AKR1C3: variants seen among roughly 807,000 people sequenced by gnomAD.
AKR1C3 encodes the protein aldo-keto reductase family 1 member C3, also known as 3-alpha hydroxysteroid dehydrogenase, type II.
In AKR1C3, 48 loss-of-function variants were observed where a neutral mutation model predicts 43.6. The ratio of observed to expected loss-of-function variants is 1.10; its 90% CI spans 0.87 to 1.40. AKR1C3 has a LOEUF of 1.40. Among genes scored for constraint, AKR1C3 ranks in the 40% most tolerant of loss-of-function variants. AKR1C3 has a pLI of 0.00. For synonymous variants in AKR1C3, 162 were observed against 139.6 expected (o/e 1.16, Z -1.13); for missense variants, 482 against 391.2 (o/e 1.23, Z -1.96).
Position 5,098,873 on chromosome 10 carries a change from C to G in AKR1C3, c.441C>G (p.Thr147=), listed in dbSNP as rs1354355749. The change falls in exon 4 of 9, where the codon ACC becomes ACG. Residue 147 remains threonine (T), a synonymous_variant. Transcript: ENST00000380554. ...VIFDIVDLCT[T]WEAMEKCKDA... is the part of the protein sequence containing the mutation. ...TTGACATAGTGGATCTCTGTACCACCTGGGAGGTGAGTGCTTGGCGGAGAG... is the reference window on the plus strand; with the variant it reads ...TTGACATAGTGGATCTCTGTACCACGTGGGAGGTGAGTGCTTGGCGGAGAG... 6.2e-7 allele frequency: 1 copy of G among 1,611,880 alleles called. No individual in the cohort carries two copies. Among genetic ancestry groups the G allele is most frequent in the Non-Finnish European group, 8.5e-7 (1 of 1,179,024 alleles).
At chr10:5,095,914 T>C (rs1554785039) in intron 1 of AKR1C3, among the ~76,000 whole-genome samples, 3 of 152,090 alleles carry the variant, frequency 2.0e-5, no homozygotes. Context: ...GTTGGGTCGA[T>C]GTAACTAGCA....
At chr10:5,060,784 GT>G (rs1332540400) in intron 1 of AKR1C3, among the ~76,000 whole-genome samples, 27 of 137,468 alleles carry the variant, frequency 2.0e-4, no homozygotes, top group African/African-American at 6.1e-4. Context: ...GCCCACAGAG[GT>G]GGGGAGGCTC....
chr10:5,064,037 C>G (rs1355199996), intron 1 of AKR1C3, among the ~76,000 whole-genome samples: 7 of 152,154 alleles, frequency 4.6e-5, no homozygotes, highest in Admixed American at 3.3e-4. Context: ...TTTCACCAAA[C>G]CAGTTTCTTT....
chr10:5,096,334 TA>T, intron 1 of AKR1C3, 75 bp from the exon 2 acceptor site: 2 of 1,524,080 alleles, frequency 1.3e-6, no homozygotes, highest in Non-Finnish European at 1.8e-6. Context: ...GATTCTTGTA[TA>T]AAAGTCAATG....
intron 1 of AKR1C3, among the ~76,000 whole-genome samples, chr10:5,078,557 A>G (rs1215278765): frequency 6.6e-6 from 1 of 152,230 alleles, no homozygotes; most frequent in Admixed American, 6.5e-5. Flanking sequence ...GTCAAATGAA[A>G]AAAGGGTTAA....
chr10:5,094,598 G>T (rs915000091), intron 1 of AKR1C3, 70 bp downstream of exon 1: 27 of 1,545,314 alleles, frequency 1.7e-5, no homozygotes, highest in Non-Finnish European at 2.4e-5. Flanking sequence ...CCCGTATTGG[G>T]TTGTAAGGTT....
intron 1 of AKR1C3, among the ~76,000 whole-genome samples, chr10:5,068,286 C>T (rs1472874497): frequency 3.3e-5 from 5 of 152,042 alleles, no homozygotes; most frequent in Admixed American, 6.6e-5. Flanking sequence ...GAAGATTGAA[C>T]ATCATTTTGG....
intron 1 of AKR1C3, among the ~76,000 whole-genome samples, chr10:5,069,143 T>C (rs1472804912): frequency 1.3e-5 from 2 of 152,200 alleles, no homozygotes; most frequent in Non-Finnish European, 1.5e-5. Flanking sequence ...AAATGGTGAC[T>C]TTTACCTTTC....
chr10:5,058,167 A>C (rs1314709979), intron 1 of AKR1C3, among the ~76,000 whole-genome samples: 1 of 151,800 alleles, frequency 6.6e-6, no homozygotes, highest in Non-Finnish European at 1.5e-5. Context: ...TAGGAAGGGG[A>C]GTTATAGGGA....
intron 1 of AKR1C3, among the ~76,000 whole-genome samples, chr10:5,084,467 T>C (rs1315734104): frequency 2.0e-5 from 3 of 151,748 alleles, no homozygotes; most frequent in Admixed American, 6.6e-5. Context: ...CCATACTGTT[T>C]TGGTTACTGT....
chr10:5,077,092 T>C (rs1337678414), intron 1 of AKR1C3, among the ~76,000 whole-genome samples: 1 of 151,308 alleles, frequency 6.6e-6, no homozygotes, highest in African/African-American at 2.4e-5. Flanking sequence ...CAGGATAATC[T>C]TTTTTTTTCA....
At chr10:5,105,200 TTCAACAA>T (rs1420515912) in intron 7 of AKR1C3, 1 of 157,430 alleles carries the variant, frequency 6.4e-6, no homozygotes, top group African/African-American at 2.4e-5. Flanking sequence ...GATATAGAAA[TTCAACAA>T]TATCTATCAA....
At chr10:5,083,265 C>T (rs993327283) in intron 1 of AKR1C3, among the ~76,000 whole-genome samples, 1 of 151,908 alleles carries the variant, frequency 6.6e-6, no homozygotes, top group Non-Finnish European at 1.5e-5. Context: ...GTGTGATGTT[C>T]CCCTTCCTGT....
chr10:5,058,787 C>T (rs1235926816), intron 1 of AKR1C3, among the ~76,000 whole-genome samples: 1 of 152,170 alleles, frequency 6.6e-6, no homozygotes, highest in South Asian at 2.1e-4. Flanking sequence ...CTTATCGACA[C>T]ATTCTCGAAA....
At chr10:5,085,123 G>A (rs528503085) in intron 1 of AKR1C3, among the ~76,000 whole-genome samples, 5 of 152,084 alleles carry the variant, frequency 3.3e-5, no homozygotes, top group African/African-American at 1.2e-4. Flanking sequence ...TTGAATAGGA[G>A]TGGTGAGAGA....
At chr10:5,086,859 T>C (rs1838976919) in intron 1 of AKR1C3, among the ~76,000 whole-genome samples, 1 of 152,208 alleles carries the variant, frequency 6.6e-6, no homozygotes, top group Non-Finnish European at 1.5e-5. Context: ...TTGATCTTTG[T>C]TGGTTTAAAG....
intron 8 of AKR1C3, among the ~76,000 whole-genome samples, chr10:5,106,067 C>G (rs782174041): frequency 6.6e-6 from 1 of 152,226 alleles, no homozygotes; most frequent in Non-Finnish European, 1.5e-5. Context: ...CTTATCAAAT[C>G]AAAAACATTT....
In AKR1C3 at chr10:5,104,747, C is replaced by T. The variant is rs150457872; in HGVS notation, c.847-848C>T. On this transcript the variant is annotated intron_variant, in intron 7 of 8. Transcript: ENST00000380554. The stretch of plus-strand genomic sequence containing the variant: ...TTAAATGGCCTTTTAATATATATAT[C>T]ATTAATTTTATAACATTCTCCATTA... 6.0e-3 allele frequency among the ~76,000 whole-genome samples: 908 copies of T among 152,122 alleles called. 4 individuals are homozygous for T. The highest frequency in any genetic ancestry group is 0.02 in the African/African-American group (850 of 41,516).
At chr10:5,092,505 G>C (rs1554784417), upstream of AKR1C3, among the ~76,000 whole-genome samples, 1 of 139,854 alleles carries the variant, frequency 7.2e-6, no homozygotes. Flanking sequence ...TTTTGCCTTA[G>C]ACTCAAGGAT....
Sources: allele counts gnomAD v4.1 joint callset (sites outside exome capture counted in the v4.1 genomes callset), GRCh38; gene constraint gnomAD v4.1.1; transcripts MANE v1.5; gene names NCBI Gene and HGNC (gene_info 2026-07-23, HGNC 2026-07-21).